Variants in PIK3CB observed in about 807,000 individuals in gnomAD.
The protein encoded by PIK3CB is phosphatidylinositol-4,5-bisphosphate 3-kinase catalytic subunit beta.
Under a neutral mutation model 136.8 loss-of-function variants are expected in PIK3CB, and 39 were observed. That is an observed-to-expected ratio of 0.29 (90% CI 0.22 to 0.37). The LOEUF (loss-of-function observed/expected upper bound fraction) is 0.37, where lower values mean the gene tolerates loss of function less well. Ranked by LOEUF, PIK3CB falls within the 10% of genes least tolerant of loss-of-function variation. PIK3CB has a pLI of 1.00. For synonymous variants in PIK3CB, 428 were observed against 436.6 expected (o/e 0.98, Z 0.25); for missense variants, 868 against 1,275.4 (o/e 0.68, Z 4.87).
At chr3:138,686,499 A>G (rs1247718978) in intron 16 of PIK3CB, among the ~76,000 whole-genome samples, 3 of 152,184 alleles carry the variant, frequency 2.0e-5, no homozygotes, top group Admixed American at 1.3e-4. Context: ...ATTATTTAAT[A>G]ACTGAGGGTC....
intron 11 of PIK3CB, among the ~76,000 whole-genome samples, chr3:138,705,190 C>CAAAAAAAAAAAA (rs1281520471): frequency 1.9e-5 from 1 of 53,250 alleles, no homozygotes; most frequent in East Asian, 1.2e-3. Context: ...ACAAAACAAA[C>CAAAAAAAAAAAA]AAAAAAAAAA....
In PIK3CB at chr3:138,677,403, C is replaced by T. The variant is rs149459098; in HGVS notation, c.2504+4564G>A. Among the ~76,000 whole-genome samples the T allele has an allele frequency of 2.2e-3, 342 of 152,032 alleles. 1 individual carries two copies. Among genetic ancestry groups the T allele is most frequent in the African/African-American group, 8.1e-3 (334 of 41,468 alleles). On this transcript the variant is annotated intron_variant, in intron 19 of 23. Coordinates refer to ENST00000674063, the MANE Select transcript of PIK3CB (RefSeq NM_006219.3). ...TATAAATTCATTTTCAGACAAAACC[C>T]GGAGTGAGGGAGTATGGTACAAAAA...
At chr3:138,691,399 A>G (rs545715456) in intron 14 of PIK3CB, among the ~76,000 whole-genome samples, 3 of 152,314 alleles carry the variant, frequency 2.0e-5, no homozygotes, top group African/African-American at 7.2e-5. Context: ...AGATTGTGAT[A>G]TGGTCTGGCT....
At chr3:138,811,240 CAAAAAA>C (rs558228212) in intron 1 of PIK3CB, among the ~76,000 whole-genome samples, 45 of 23,436 alleles carry the variant, frequency 1.9e-3, no homozygotes, top group African/African-American at 6.1e-3. Flanking sequence ...AAGACTCTGC[CAAAAAA>C]AAAAAAAAAA....
In PIK3CB at chr3:138,660,882, C is replaced by T. The variant is rs560009710; in HGVS notation, c.2796+3024G>A. Among the ~76,000 whole-genome samples the T allele has an allele frequency of 2.6e-5, 4 of 152,290 alleles. No homozygotes were observed. In the East Asian group the frequency reaches 7.7e-4, roughly 29 times the overall value. ...ACCATTCATATTTAACAATGAATCA[C>T]TAAAAAGCTGAATGAAAATTCTATG... On this transcript the variant is annotated intron_variant, in intron 21 of 23. Transcript: ENST00000674063.
intron 22 of PIK3CB, among the ~76,000 whole-genome samples, chr3:138,656,997 C>T (rs1333241013): frequency 6.6e-6 from 1 of 152,078 alleles, no homozygotes; most frequent in African/African-American, 2.4e-5. Flanking sequence ...CAAACTCCGA[C>T]CTCCAGTGAT....
chr3:138,656,871 A>G (rs2043200776), intron 22 of PIK3CB, among the ~76,000 whole-genome samples: 1 of 152,162 alleles, frequency 6.6e-6, no homozygotes, highest in African/African-American at 2.4e-5. Flanking sequence ...CCCAGGTTCA[A>G]GCAATTCTGC....
chr3:138,657,771 T>C lies in PIK3CB; in HGVS notation c.2861A>G (p.Glu954Gly). 6.2e-7 allele frequency: 1 copy of C among 1,612,640 alleles called. No individual in the cohort carries two copies. The highest frequency in any genetic ancestry group is 8.5e-7 in the Non-Finnish European group (1 of 1,178,956). ...NFKSKFGIKR[E>G]RVPFILTYDF... ...ATAGGTAAGAATAAAAGGCACTCGC[T>C]CCCTTTTAATGCCAAACTTAGATTT... Residue 954 changes from glutamate (E) to glycine (G), a missense_variant, in exon 22 of 24, where the codon GAG becomes GGG. Physicochemically the swap from Glu to Gly is moderately conservative, Grantham distance 98 (BLOSUM62 -2). Around this residue, in one of 4 missense-constraint regions of PIK3CB, gnomAD observed 88 missense variants for 147.8 expected, o/e 0.60. Coordinates refer to ENST00000674063, the MANE Select transcript of PIK3CB (RefSeq NM_006219.3).
chr3:138,818,371 G>A (rs1933421911), intron 1 of PIK3CB, among the ~76,000 whole-genome samples: 1 of 152,142 alleles, frequency 6.6e-6, no homozygotes, highest in Non-Finnish European at 1.5e-5. Context: ...TCAAGTTCTG[G>A]CTCTAGCTCA....
chr3:138,707,332 A>C, intron 10 of PIK3CB, 43 bp from the exon 11 acceptor site: 1 of 1,566,536 alleles, frequency 6.4e-7, no homozygotes, highest in Non-Finnish European at 8.6e-7. Flanking sequence ...AATGTCTTTA[A>C]AACTAGGCTT....
intron 21 of PIK3CB, among the ~76,000 whole-genome samples, chr3:138,658,341 T>G (rs1183040403): frequency 2.0e-5 from 3 of 151,930 alleles, no homozygotes; most frequent in African/African-American, 4.8e-5. Flanking sequence ...TCCCAGCTAC[T>G]CAGGGGGGTG....
intron 1 of PIK3CB, among the ~76,000 whole-genome samples, chr3:138,812,833 T>C (rs1482451365): frequency 6.6e-6 from 1 of 152,164 alleles, no homozygotes. Context: ...CCAGCCAGAA[T>C]GAGAGACTCT....
intron 1 of PIK3CB, among the ~76,000 whole-genome samples, chr3:138,833,710 A>G (rs1301371068): frequency 1.3e-5 from 2 of 152,234 alleles, no homozygotes; most frequent in East Asian, 3.9e-4. Flanking sequence ...CAGAAAAAAG[A>G]GTCTGTTTCC....
Position 138,750,071 on chromosome 3 carries a change from GT to G in PIK3CB, c.397+5682del, listed in dbSNP as rs1241858826. 2.0e-5 allele frequency among the ~76,000 whole-genome samples: 3 copies of G among 151,976 alleles called. No homozygotes were observed. The South Asian group carries it at 6.2e-4, about 31-fold the overall frequency. The stretch of plus-strand genomic sequence containing the variant: ...TTTTTGTACTTTTTGTAGAGATGGG[GT>G]TTTGCTATGTTGCCCAGACTGGTCT... On this transcript the variant is annotated intron_variant, in intron 4 of 23. Transcript: ENST00000674063.
intron 1 of PIK3CB, among the ~76,000 whole-genome samples, chr3:138,807,216 T>G (rs1202027039): frequency 6.6e-6 from 1 of 152,154 alleles, no homozygotes; most frequent in African/African-American, 2.4e-5. Context: ...GGAGAATTGC[T>G]TGAACTCAGG....
At chr3:138,812,323 G>A (rs1198482) in intron 1 of PIK3CB, among the ~76,000 whole-genome samples, 3 of 150,672 alleles carry the variant, frequency 2.0e-5, no homozygotes, top group Admixed American at 6.7e-5. Context: ...TGCAACCTCC[G>A]CCTCCTGGGT....
At chr3:138,700,338 G>A (rs761320253) in intron 12 of PIK3CB, among the ~76,000 whole-genome samples, 3 of 152,118 alleles carry the variant, frequency 2.0e-5, no homozygotes, top group Non-Finnish European at 4.4e-5. Flanking sequence ...CCGGAGAAAT[G>A]CCTGATTCCA....
rs2108381147 is a variant in PIK3CB, at chr3:138,655,407, C to A, written c.3195G>T (p.Arg1065=). Residue 1065 remains arginine (R), a synonymous_variant, in exon 24 of 24, where the codon CGG becomes CGT. Coordinates refer to ENST00000674063, the MANE Select transcript of PIK3CB (RefSeq NM_006219.3). ...CTGATCGTTAAGATCTGTAGTCTTT[C>A]CGAACTGTGTGGGCCATCCAGTTCA... ...TKVNWMAHTV[R]KDYRS 12 of 1,614,142 alleles carry A rather than the reference C, an allele frequency of 7.4e-6. No individual in the cohort carries two copies. The highest frequency in any genetic ancestry group is 1.0e-5 in the Non-Finnish European group (12 of 1,179,988).
At chr3:138,787,658 C>T (rs983023697) in intron 2 of PIK3CB, among the ~76,000 whole-genome samples, 4 of 149,276 alleles carry the variant, frequency 2.7e-5, no homozygotes, top group Admixed American at 6.7e-5. Flanking sequence ...TCAGTAAACA[C>T]AAAAGTGAAA....
Sources: gnomAD v4.1 joint callset for allele counts (sites outside exome capture counted in the v4.1 genomes callset) on GRCh38, gnomAD v4.1.1 for gene constraint, gnomAD v4.1.1 regional missense constraint, MANE v1.5 for transcripts, NCBI Gene and HGNC (gene_info 2026-07-23, HGNC 2026-07-21) for gene names.